Variants in DYSF observed in about 807,000 individuals in gnomAD.
DYSF encodes dystrophy-associated fer-1-like 1.
In DYSF, 212 loss-of-function variants were observed where a neutral mutation model predicts 274.9. The observed-to-expected ratio is 0.77, with a 90% CI of 0.69 to 0.86. The LOEUF (loss-of-function observed/expected upper bound fraction) is 0.86. Ranked by LOEUF, DYSF falls within the 40% of genes least tolerant of loss-of-function variation. The pLI, the probability that DYSF is intolerant of heterozygous loss-of-function variation, is 0.00. For missense variants in DYSF, 2,666 were observed against 2,783.2 expected, an observed-to-expected ratio of 0.96 and a Z score of 0.95; for synonymous variants, 1,091 against 1,078.7, an observed-to-expected ratio of 1.01 and a Z score of -0.22.
intron 6 of DYSF, 80 bp downstream of exon 6, chr2:71,513,412 A>T: frequency 6.8e-7 from 1 of 1,461,384 alleles, no homozygotes. Context: ...AGCTTGCTGG[A>T]GCGGGGCCAG....
intron 30 of DYSF, 38 bp from the exon 31 acceptor site, chr2:71,589,555 G>A (rs377618382): frequency 3.2e-6 from 5 of 1,578,404 alleles, no homozygotes; most frequent in Non-Finnish European, 4.4e-6. Flanking sequence ...CCCCAGGCCT[G>A]GGGGCAGAAT....
Position 71,503,283 on chromosome 2 carries a change from T to G in DYSF, c.309T>G (p.Asn103Lys). ...CCCCTAGTCTGTCCGCCAGCTTCAA[T>G]GCCCCCCTGCTGGACACCAAGAAGC... The part of the protein sequence containing the change: ...LATPSLSASF[N>K]APLLDTKKQP... Residue 103 changes from asparagine (N) to lysine (K), a missense_variant, in exon 4 of 56, where the codon AAT becomes AAG. Around this residue, in one of 3 missense-constraint regions of DYSF, gnomAD observed 794 missense variants for 777.1 expected, o/e 1.02. Coordinates refer to ENST00000410020, the MANE Select transcript of DYSF (RefSeq NM_001130987.2). 1 of 1,614,106 alleles carries G rather than the reference T, an allele frequency of 6.2e-7. No homozygotes were observed. The highest frequency in any genetic ancestry group is 8.5e-7 in the Non-Finnish European group (1 of 1,179,982).
chr2:71,465,439 C>T (rs1395697549), upstream of DYSF, among the ~76,000 whole-genome samples: 4 of 152,146 alleles, frequency 2.6e-5, no homozygotes, highest in African/African-American at 4.8e-5. Flanking sequence ...TAGGGGCATC[C>T]GGGAGACAGG....
intron 40 of DYSF, among the ~76,000 whole-genome samples, chr2:71,616,630 G>T (rs1227013858): frequency 6.6e-6 from 1 of 152,198 alleles, no homozygotes; most frequent in Non-Finnish European, 1.5e-5. Context: ...CACACAGGGA[G>T]AGCAGAAGTG....
intron 26 of DYSF, among the ~76,000 whole-genome samples, chr2:71,569,163 C>T (rs575723725): frequency 7.2e-5 from 11 of 152,366 alleles, no homozygotes; most frequent in South Asian, 2.1e-4. Context: ...CTTGAGCCAC[C>T]GCGCCTGGCC....
At chr2:71,648,333 G>A (rs894007206) in intron 42 of DYSF, among the ~76,000 whole-genome samples, 2 of 152,116 alleles carry the variant, frequency 1.3e-5, no homozygotes, top group African/African-American at 2.4e-5. Flanking sequence ...AGATGAAAAC[G>A]TGAAGTTGGA....
intron 10 of DYSF, 88 bp downstream of exon 10, chr2:71,517,127 A>G: frequency 8.0e-6 from 10 of 1,251,778 alleles, no homozygotes; most frequent in Non-Finnish European, 8.2e-6. Flanking sequence ...GGCTCCAGAG[A>G]TCCTGTGTTT....
At chr2:71,558,710 C>A (rs932605943) in intron 22 of DYSF, among the ~76,000 whole-genome samples, 43 of 152,246 alleles carry the variant, frequency 2.8e-4, no homozygotes, top group African/African-American at 9.1e-4. Flanking sequence ...GAGTCACTCT[C>A]CTGGGGTTGG....
At chr2:71,523,172 C>T (rs556060474) in intron 12 of DYSF, among the ~76,000 whole-genome samples, 14 of 152,288 alleles carry the variant, frequency 9.2e-5, no homozygotes, top group African/African-American at 1.9e-4. Flanking sequence ...ATGCAGCCTC[C>T]GTCACATGGC....
Position 71,601,279 on chromosome 2 carries a change from T to C in DYSF, c.3898-220T>C, listed in dbSNP as rs1025507313. On this transcript the variant is annotated intron_variant, in intron 34 of 55. Transcript: ENST00000410020. ...ACCTTCAAACTTCCTCTTAGTATGA[T>C]GTGAACCCGAATAAGTAGACTGAAT... is the stretch of plus-strand genomic sequence containing the variant. The C allele has an allele frequency of 1.2e-5, 8 of 651,864 alleles. No individual in the cohort carries two copies. The African/African-American group carries it at 1.4e-4, about 12-fold the overall frequency. The allele number at this position is 651,864 out of a possible 1,614,324, so 40.4% of individuals were successfully genotyped here.
chr2:71,632,632 A>G (rs2094333655), intron 41 of DYSF, among the ~76,000 whole-genome samples: 1 of 152,210 alleles, frequency 6.6e-6, no homozygotes, highest in African/African-American at 2.4e-5. Context: ...CAGATTCTGA[A>G]TTAGTCATGT....
chr2:71,649,510 T>C (rs1384234240), intron 42 of DYSF, among the ~76,000 whole-genome samples: 1 of 152,124 alleles, frequency 6.6e-6, no homozygotes, highest in Non-Finnish European at 1.5e-5. Context: ...TTATTATTGC[T>C]ACAGTAGGGA....
At chr2:71,468,459 T>A (rs1048150317) in intron 1 of DYSF, among the ~76,000 whole-genome samples, 1 of 152,220 alleles carries the variant, frequency 6.6e-6, no homozygotes, top group African/African-American at 2.4e-5. Context: ...GTATTGCCCT[T>A]GAGTCGGGAA....
chr2:71,535,394 G>T (rs1012620141), intron 16 of DYSF, 83 bp downstream of exon 16: 48 of 1,368,458 alleles, frequency 3.5e-5, no homozygotes, highest in Non-Finnish European at 4.9e-5. Flanking sequence ...CTCAGTGACT[G>T]GTAGTAAGAG....
Position 71,549,360 on chromosome 2 carries a change from A to G in DYSF, c.1577-1681A>G, listed in dbSNP as rs770384852. On this transcript the variant is annotated intron_variant, in intron 17 of 55. Transcript: ENST00000410020. ...TTCTTTACGCTTCAGAGGAGCCTGC[A>G]GGTGCTGTCAAGCCTTCGAAAGCCT... The G allele has an allele frequency of 6.2e-7, 1 of 1,612,756 alleles. No individual in the cohort carries two copies. Among genetic ancestry groups the G allele is most frequent in the East Asian group, 2.2e-5 (1 of 44,856 alleles).
intron 4 of DYSF, among the ~76,000 whole-genome samples, 171 bp downstream of exon 4, chr2:71,503,490 G>A (rs1199029910): frequency 6.6e-6 from 1 of 152,110 alleles, no homozygotes; most frequent in Non-Finnish European, 1.5e-5. Flanking sequence ...CTGGACTAGG[G>A]GAGATGGGAA....
chr2:71,581,985 A>G (rs966329669), intron 30 of DYSF, among the ~76,000 whole-genome samples: 3 of 152,070 alleles, frequency 2.0e-5, no homozygotes, highest in Non-Finnish European at 2.9e-5. Flanking sequence ...TCTGCTAAAA[A>G]TACAAAAATT....
chr2:71,649,649 C>T (rs767823572), intron 42 of DYSF, among the ~76,000 whole-genome samples: 22 of 151,972 alleles, frequency 1.4e-4, no homozygotes, highest in Non-Finnish European at 2.6e-4. Context: ...CACTCCCATC[C>T]GCCCCACACA....
At chr2:71,517,823 ATATATTTACAAGTTTTC>A (rs932247001) in intron 10 of DYSF, among the ~76,000 whole-genome samples, 64 of 152,308 alleles carry the variant, frequency 4.2e-4, no homozygotes, top group African/African-American at 1.5e-3. Context: ...GGAAAGTGTA[ATATATTTACAAGTTTTC>A]TAAGGTAAGT....
Sources: gnomAD v4.1 joint callset for allele counts (sites outside exome capture counted in the v4.1 genomes callset) on GRCh38, gnomAD v4.1.1 for gene constraint, gnomAD v4.1.1 regional missense constraint, MANE v1.5 for transcripts, NCBI Gene and HGNC (gene_info 2026-07-23, HGNC 2026-07-21) for gene names.